Variants in DCAF8L2 observed in about 807,000 individuals in gnomAD.
The protein encoded by DCAF8L2 is DDB1 and CUL4 associated factor 8 like 2.
For missense variants in DCAF8L2, 430 were observed against 490.7 expected (o/e 0.88, Z 1.17); for synonymous variants, 200 against 190.9 (o/e 1.05, Z -0.39).
chrX:27,733,913 A>G (rs1409028141), intron 4 of DCAF8L2, among the ~76,000 whole-genome samples: 1 of 111,905 alleles, frequency 8.9e-6, no homozygotes, highest in African/African-American at 3.3e-5. Flanking sequence ...ATACAACATT[A>G]ACAGAATAAA....
chrX:27,700,699 C>T (rs955491210), intron 3 of DCAF8L2, among the ~76,000 whole-genome samples: 1 of 111,480 alleles, frequency 9.0e-6, no homozygotes, highest in Non-Finnish European at 1.9e-5. Flanking sequence ...CTGAATATTA[C>T]GTTTATTATG....
chrX:27,508,214 T>C, the DCAF8L2 span, among the ~76,000 whole-genome samples: 2 of 111,845 alleles, frequency 1.8e-5, no homozygotes, highest in African/African-American at 6.5e-5. Flanking sequence ...CTAACAATTT[T>C]GATCTATTCA....
At chrX:27,481,152 C>T in the DCAF8L2 span, among the ~76,000 whole-genome samples, 4 of 110,526 alleles carry the variant, frequency 3.6e-5, no homozygotes, top group African/African-American at 1.3e-4. Context: ...CCAAGGCGGG[C>T]GGATCACCTG....
At chrX:27,588,016 A>ATATATATATATATATATATAT (rs1569152546), upstream of DCAF8L2, among the ~76,000 whole-genome samples, 3 of 100,155 alleles carry the variant, frequency 3.0e-5, no homozygotes, top group Admixed American at 1.1e-4. Flanking sequence ...ATATATATAT[A>ATATATATATATATATATATAT]ATTTCAAAGT....
At chrX:27,570,241 G>T in the DCAF8L2 span, among the ~76,000 whole-genome samples, 1 of 110,760 alleles carries the variant, frequency 9.0e-6, no homozygotes, top group African/African-American at 3.3e-5. Context: ...TAGTTCAATG[G>T]TATCTTTTGG....
At chrX:27,556,197 A>G in the DCAF8L2 span, among the ~76,000 whole-genome samples, 1 of 111,203 alleles carries the variant, frequency 9.0e-6, no homozygotes, top group Non-Finnish European at 1.9e-5. Context: ...CGTCTTATAA[A>G]TCACTCTTTT....
chrX:27,698,037 T>C (rs1930993968), intron 3 of DCAF8L2, among the ~76,000 whole-genome samples: 1 of 109,872 alleles, frequency 9.1e-6, no homozygotes, highest in South Asian at 3.7e-4. Flanking sequence ...AACTATTTGA[T>C]TTTATCCTTA....
At chrX:27,715,387 G>C (rs1173913938) in intron 3 of DCAF8L2, among the ~76,000 whole-genome samples, 1 of 102,817 alleles carries the variant, frequency 9.7e-6, no homozygotes, top group South Asian at 4.2e-4. Flanking sequence ...AAAAAAAAAG[G>C]AACTGAGACT....
upstream of DCAF8L2, among the ~76,000 whole-genome samples, chrX:27,588,966 T>C (rs1393248963): frequency 9.0e-6 from 1 of 111,344 alleles, no homozygotes; most frequent in Non-Finnish European, 1.9e-5. Flanking sequence ...AATATCAAAA[T>C]TGAGATTCCT....
chrX:27,694,992 T>TAAATTGCTC (rs1363014738), intron 3 of DCAF8L2, among the ~76,000 whole-genome samples: 1 of 112,239 alleles, frequency 8.9e-6, no homozygotes, highest in Non-Finnish European at 1.9e-5. Context: ...TAATGGGTTT[T>TAAATTGCTC]AAATTGCTCT....
At chrX:27,483,028 G>A in the DCAF8L2 span, among the ~76,000 whole-genome samples, 2 of 111,517 alleles carry the variant, frequency 1.8e-5, no homozygotes, top group Admixed American at 9.6e-5. Flanking sequence ...ACCACAAATA[G>A]CTGTCATCTA....
At chrX:27,598,013 A>ATTGTC (rs200521471) in intron 1 of DCAF8L2, among the ~76,000 whole-genome samples, 15,609 of 111,807 alleles carry the variant, frequency 0.14, 1,083 homozygotes, top group African/African-American at 0.27. Context: ...ACCTTCAAAT[A>ATTGTC]TTCAAATTAT....
intron 1 of DCAF8L2, among the ~76,000 whole-genome samples, chrX:27,611,892 T>C (rs754119205): frequency 9.0e-6 from 1 of 111,437 alleles, no homozygotes; most frequent in African/African-American, 3.3e-5. Context: ...TGAATAGTGC[T>C]GCAATAAACA....
intron 2 of DCAF8L2, among the ~76,000 whole-genome samples, chrX:27,641,768 G>A (rs772563593): frequency 2.5e-4 from 28 of 110,763 alleles, no homozygotes; most frequent in Admixed American, 2.4e-3. Flanking sequence ...CACCACGCCC[G>A]GCCAAGTATG....
chrX:27,653,885 T>G (rs1929249357), intron 2 of DCAF8L2, among the ~76,000 whole-genome samples: 1 of 111,329 alleles, frequency 9.0e-6, no homozygotes, highest in Non-Finnish European at 1.9e-5. Flanking sequence ...TTGGTCAATG[T>G]CCAAATGACT....
chrX:27,506,948 A>T, the DCAF8L2 span, among the ~76,000 whole-genome samples: 1 of 107,988 alleles, frequency 9.3e-6, no homozygotes, highest in African/African-American at 3.4e-5. Flanking sequence ...TTTTGGGGGG[A>T]CACAATTCTT....
At chrX:27,535,413 T>C in the DCAF8L2 span, among the ~76,000 whole-genome samples, 1 of 111,895 alleles carries the variant, frequency 8.9e-6, no homozygotes, top group Admixed American at 9.5e-5. Flanking sequence ...ACTGTTACCA[T>C]TTACTGCCAC....
At chrX:27,498,250 A>G in the DCAF8L2 span, among the ~76,000 whole-genome samples, 14 of 112,358 alleles carry the variant, frequency 1.2e-4, no homozygotes, top group South Asian at 4.8e-3. Flanking sequence ...AGGAAGCACC[A>G]GAACGTTTTC....
chrX:27,638,512 T>TA (rs1352838778), intron 2 of DCAF8L2, among the ~76,000 whole-genome samples: 2 of 112,022 alleles, frequency 1.8e-5, no homozygotes, highest in Non-Finnish European at 3.8e-5. Context: ...CTATGAGCTT[T>TA]ATAAATCTTG....
Sources: gnomAD v4.1 joint callset for allele counts (sites outside exome capture counted in the v4.1 genomes callset) on GRCh38, gnomAD v4.1.1 for gene constraint, MANE v1.5 for transcripts, NCBI Gene and HGNC (gene_info 2026-07-23, HGNC 2026-07-21) for gene names.